The following PTPRM variants were observed in gnomAD, a reference collection of about 807,000 sequenced individuals.
PTPRM encodes receptor-type tyrosine-protein phosphatase mu.
Under a neutral mutation model 186.7 loss-of-function variants are expected in PTPRM, and 47 were observed. The ratio of observed to expected loss-of-function variants is 0.25; its 90% CI spans 0.20 to 0.32. The LOEUF (loss-of-function observed/expected upper bound fraction) is 0.32, where lower values mean the gene tolerates loss of function less well. Among genes scored for constraint, PTPRM ranks in the 10% least tolerant of loss-of-function variants. PTPRM has a pLI of 1.00. For synonymous variants in PTPRM, 668 were observed against 674.9 expected (o/e 0.99, Z 0.16); for missense variants, 1,494 against 1,865.0 (o/e 0.80, Z 3.66).
chr18:7,661,818 T>C (rs1002206877), intron 1 of PTPRM, among the ~76,000 whole-genome samples: 38 of 152,224 alleles, frequency 2.5e-4, no homozygotes, highest in African/African-American at 8.7e-4. Context: ...AGGAGCAATG[T>C]GGGATCATGG....
At chr18:7,849,091 G>A (rs1215801540) in intron 2 of PTPRM, among the ~76,000 whole-genome samples, 1 of 152,090 alleles carries the variant, frequency 6.6e-6, no homozygotes, top group Non-Finnish European at 1.5e-5. Context: ...CATCTGCCTC[G>A]TTAATTTTTT....
At chr18:7,931,498 C>T (rs1452768509) in intron 5 of PTPRM, among the ~76,000 whole-genome samples, 1 of 152,010 alleles carries the variant, frequency 6.6e-6, no homozygotes, top group Non-Finnish European at 1.5e-5. Flanking sequence ...GAGATCAGAT[C>T]GAGACCATCC....
chr18:7,987,225 A>G (rs560067771), intron 7 of PTPRM, among the ~76,000 whole-genome samples: 1 of 152,290 alleles, frequency 6.6e-6, no homozygotes, highest in South Asian at 2.1e-4. Flanking sequence ...AACAAGTGTA[A>G]AAGTTTATGT....
intron 1 of PTPRM, among the ~76,000 whole-genome samples, chr18:7,682,004 C>T (rs1259887834): frequency 2.6e-5 from 4 of 152,174 alleles, no homozygotes; most frequent in Admixed American, 1.3e-4. Context: ...TATATCAGTG[C>T]TAGATGTATG....
At chr18:8,248,394 A>G in intron 17 of PTPRM, 2 of 628,402 alleles carry the variant, frequency 3.2e-6, no homozygotes, top group South Asian at 3.4e-5. Context: ...TATCTTGGGG[A>G]TGATACCAAC....
chr18:8,249,401 C>T (rs948846896), intron 17 of PTPRM, among the ~76,000 whole-genome samples: 7 of 152,158 alleles, frequency 4.6e-5, no homozygotes, highest in African/African-American at 1.2e-4. Flanking sequence ...CCACTAAACC[C>T]TCCCTGCCCA....
At chr18:7,825,954 C>T (rs534956535) in intron 2 of PTPRM, among the ~76,000 whole-genome samples, 46 of 152,282 alleles carry the variant, frequency 3.0e-4, no homozygotes, top group African/African-American at 1.0e-3. Flanking sequence ...TTAATCCTCA[C>T]CATATTTATT....
At chr18:7,684,475 T>G (rs1465798600) in intron 1 of PTPRM, among the ~76,000 whole-genome samples, 1 of 152,156 alleles carries the variant, frequency 6.6e-6, no homozygotes, top group Non-Finnish European at 1.5e-5. Context: ...GTACTGAAAC[T>G]TTATACCTGC....
chr18:8,079,747 C>T (rs1417157926), intron 9 of PTPRM, among the ~76,000 whole-genome samples: 1 of 151,932 alleles, frequency 6.6e-6, no homozygotes, highest in Non-Finnish European at 1.5e-5. Flanking sequence ...TGATATAAAA[C>T]TCAGCAGTCA....
At chr18:8,251,425 G>T (rs1260011414) in intron 17 of PTPRM, among the ~76,000 whole-genome samples, 1 of 152,182 alleles carries the variant, frequency 6.6e-6, no homozygotes, top group South Asian at 2.1e-4. Flanking sequence ...CTTCAGCAGG[G>T]TTCCTGTATC....
intron 8 of PTPRM, among the ~76,000 whole-genome samples, chr18:8,071,701 TG>T (rs1178781515): frequency 6.6e-6 from 1 of 152,198 alleles, no homozygotes; most frequent in African/African-American, 2.4e-5. Context: ...GTTGCCTGAT[TG>T]TTCTCCTTGG....
rs1261220840 is a variant in PTPRM at position 8,345,542 on chromosome 18, A to G, written c.3054+2022A>G. The stretch of plus-strand genomic sequence containing the variant: ...TTCTGAGTAGATAATAATTATCTTA[A>G]ACTCGAATTCTGGTTAAAAATTGAC... On this transcript the variant is annotated intron_variant, in intron 23 of 32. Transcript: ENST00000580170. Among the ~76,000 whole-genome samples the G allele has an allele frequency of 3.3e-5, 5 of 152,062 alleles. No homozygotes were observed. In the East Asian group the frequency reaches 9.6e-4, roughly 29 times the overall value.
At chr18:8,380,903 C>T (rs2095730221) in intron 29 of PTPRM, among the ~76,000 whole-genome samples, 1 of 152,148 alleles carries the variant, frequency 6.6e-6, no homozygotes. Context: ...TAGAGATCGT[C>T]ATGCAGGGCA....
At chr18:7,830,139 A>G (rs994042235) in intron 2 of PTPRM, among the ~76,000 whole-genome samples, 2 of 152,084 alleles carry the variant, frequency 1.3e-5, no homozygotes, top group African/African-American at 4.8e-5. Flanking sequence ...TATTCTCCAT[A>G]TCCATTCCCT....
chr18:7,570,615 T>C (rs1319547564), intron 1 of PTPRM, among the ~76,000 whole-genome samples: 1 of 152,214 alleles, frequency 6.6e-6, no homozygotes, highest in African/African-American at 2.4e-5. Context: ...TAGACTTGGC[T>C]TGCCTTTTCC....
intron 22 of PTPRM, among the ~76,000 whole-genome samples, chr18:8,336,493 A>C (rs2095439635): frequency 1.3e-5 from 2 of 151,958 alleles, no homozygotes; most frequent in Non-Finnish European, 2.9e-5. Flanking sequence ...TCAAGGCTAC[A>C]GTGAGCCGTG....
At chr18:7,773,278 C>A (rs1161712387) in intron 1 of PTPRM, among the ~76,000 whole-genome samples, 1 of 151,980 alleles carries the variant, frequency 6.6e-6, no homozygotes, top group Non-Finnish European at 1.5e-5. Context: ...TAAAGTAAAA[C>A]CTGTTTCTTT....
intron 19 of PTPRM, among the ~76,000 whole-genome samples, chr18:8,259,245 G>A (rs996062110): frequency 1.3e-5 from 2 of 152,086 alleles, no homozygotes; most frequent in African/African-American, 2.4e-5. Context: ...TGCTGTGCTC[G>A]GCCCCACCTA....
At chr18:8,311,939 G>T (rs987559916) in intron 20 of PTPRM, among the ~76,000 whole-genome samples, 3 of 152,158 alleles carry the variant, frequency 2.0e-5, no homozygotes, top group African/African-American at 4.8e-5. Context: ...GGAGCTCAGA[G>T]AATTCAAGCA....
Sources: allele counts gnomAD v4.1 joint callset (sites outside exome capture counted in the v4.1 genomes callset), GRCh38; gene constraint gnomAD v4.1.1; transcripts MANE v1.5; gene names NCBI Gene and HGNC (gene_info 2026-07-23, HGNC 2026-07-21).